The following LRRFIP2 variants were observed in gnomAD, a reference collection of about 807,000 sequenced individuals.
LRRFIP2 encodes LRR binding FLII interacting protein 2.
In LRRFIP2, 109 loss-of-function variants were observed where a neutral mutation model predicts 125.9. The ratio of observed to expected loss-of-function variants is 0.87; its 90% CI spans 0.74 to 1.01. LRRFIP2 has a LOEUF of 1.01. LRRFIP2 is among the 50% of genes least tolerant of loss of function. The pLI is 0.00. For synonymous variants in LRRFIP2, 291 were observed against 293.1 expected, an observed-to-expected ratio of 0.99 and a Z score of 0.07; for missense variants, 850 against 862.3, an observed-to-expected ratio of 0.99 and a Z score of 0.18.
At chr3:37,145,611 T>A (rs1205913084) in intron 2 of LRRFIP2, among the ~76,000 whole-genome samples, 1 of 152,232 alleles carries the variant, frequency 6.6e-6, no homozygotes, top group Non-Finnish European at 1.5e-5. Flanking sequence ...TATCTGAACA[T>A]CATCTGTTTC....
At chr3:37,152,944 G>A (rs1055328715) in intron 1 of LRRFIP2, among the ~76,000 whole-genome samples, 19 of 152,082 alleles carry the variant, frequency 1.2e-4, no homozygotes, top group African/African-American at 4.1e-4. Context: ...AAAAATGTAA[G>A]CATTTTCTAA....
chr3:37,117,367 A>T (rs1559920528), intron 6 of LRRFIP2, among the ~76,000 whole-genome samples: 1 of 151,344 alleles, frequency 6.6e-6, no homozygotes, highest in Non-Finnish European at 1.5e-5. Context: ...CAGCTGGTTT[A>T]AAAAAAAATG....
intron 2 of LRRFIP2, among the ~76,000 whole-genome samples, chr3:37,139,007 C>G (rs79635736): frequency 6.6e-6 from 1 of 152,160 alleles, no homozygotes; most frequent in African/African-American, 2.4e-5. Flanking sequence ...GACAGTCAAC[C>G]TGATAACAGA....
chr3:37,100,201 T>C (rs1310523309), intron 15 of LRRFIP2, among the ~76,000 whole-genome samples: 1 of 152,078 alleles, frequency 6.6e-6, no homozygotes, highest in African/African-American at 2.4e-5. Flanking sequence ...ACAAATCACC[T>C]GTAATCCCAG....
upstream of LRRFIP2, chr3:37,176,019 C>G (rs1325194037): frequency 6.6e-6 from 1 of 152,140 alleles, no homozygotes; most frequent in African/African-American, 2.4e-5. Flanking sequence ...CAACTCCCCG[C>G]TCCCTGCTCC....
At chr3:37,135,796 A>T (rs1476005052) in intron 2 of LRRFIP2, among the ~76,000 whole-genome samples, 1 of 152,248 alleles carries the variant, frequency 6.6e-6, no homozygotes, top group Non-Finnish European at 1.5e-5. Context: ...ACTGAAAATA[A>T]CTAAAATTGG....
chr3:37,079,808 C>T (rs1227201876), intron 19 of LRRFIP2, among the ~76,000 whole-genome samples: 5 of 152,076 alleles, frequency 3.3e-5, no homozygotes, highest in East Asian at 3.9e-4. Flanking sequence ...TCACGCTAAG[C>T]GAAAGAAGCC....
At chr3:37,086,090 T>G (rs569003516) in intron 18 of LRRFIP2, among the ~76,000 whole-genome samples, 1 of 152,186 alleles carries the variant, frequency 6.6e-6, no homozygotes, top group Non-Finnish European at 1.5e-5. Context: ...AAAGAGGATA[T>G]GCAAATGGCA....
At chr3:37,147,184 GATT>G (rs1182671373) in intron 2 of LRRFIP2, among the ~76,000 whole-genome samples, 2 of 152,118 alleles carry the variant, frequency 1.3e-5, no homozygotes, top group African/African-American at 4.8e-5. Context: ...TCAGAATGGT[GATT>G]ATTAAAAAGT....
At chr3:37,115,678 G>T (rs1264646018) in intron 6 of LRRFIP2, among the ~76,000 whole-genome samples, 1 of 152,110 alleles carries the variant, frequency 6.6e-6, no homozygotes, top group Non-Finnish European at 1.5e-5. Flanking sequence ...GAGAAATCTG[G>T]TCAATGTGTG....
chr3:37,161,488 T>C (rs1052649949), intron 1 of LRRFIP2, among the ~76,000 whole-genome samples: 1 of 152,174 alleles, frequency 6.6e-6, no homozygotes, highest in African/African-American at 2.4e-5. Context: ...TTATGTAAAA[T>C]GTCCAGAATA....
intron 1 of LRRFIP2, among the ~76,000 whole-genome samples, chr3:37,166,437 A>G (rs2096491057): frequency 6.6e-6 from 1 of 152,232 alleles, no homozygotes; most frequent in African/African-American, 2.4e-5. Flanking sequence ...AAAAATTTGC[A>G]AATCACATAG....
rs776776063 is a variant in LRRFIP2, at chr3:37,121,539, G to GATAAAA, written c.286-9_286-4dup. ...ATGGACAATGCATCCTCAACTCCCT[G>GATAAAA]ATAAAAATGAAAATAAACACAGTAA... On this transcript the variant is annotated splice_polypyrimidine_tract_variant and splice_region_variant and intron_variant, in intron 5 of 27. Transcript: ENST00000336686. 31 of 1,613,630 alleles carry GATAAAA rather than the reference G, an allele frequency of 1.9e-5. No homozygotes were observed. The Admixed American group carries it at 3.0e-4, about 16-fold the overall frequency.
chr3:37,110,986 C>A lies in LRRFIP2; in HGVS notation c.513+5G>T. On this transcript the variant is annotated splice_donor_5th_base_variant and intron_variant, in intron 9 of 27. Coordinates refer to ENST00000336686, the MANE Select transcript of LRRFIP2 (RefSeq NM_006309.4). ...ACACATAAAGCCAAAAAAGTTTAGA[C>A]AAACCCGAGTGTAGTAGGCAGAGGT... is the stretch of plus-strand genomic sequence containing the variant. The A allele has an allele frequency of 6.2e-7, 1 of 1,612,596 alleles. No individual in the cohort carries two copies. Among genetic ancestry groups the A allele is most frequent in the Non-Finnish European group, 8.5e-7 (1 of 1,179,402 alleles).
chr3:37,150,653 CTCTTT>C (rs1407515690), intron 1 of LRRFIP2, among the ~76,000 whole-genome samples: 1 of 152,074 alleles, frequency 6.6e-6, no homozygotes, highest in African/African-American at 2.4e-5. Context: ...ATTTCATGCC[CTCTTT>C]TCTTCTATAC....
intron 4 of LRRFIP2, among the ~76,000 whole-genome samples, chr3:37,125,170 C>A (rs1577031860): frequency 6.6e-6 from 1 of 152,132 alleles, no homozygotes; most frequent in South Asian, 2.1e-4. Context: ...TAAAAGAAAA[C>A]CACAGTCCCA....
intron 18 of LRRFIP2, among the ~76,000 whole-genome samples, chr3:37,090,209 T>C (rs1445555622): frequency 1.4e-5 from 2 of 146,390 alleles, no homozygotes; most frequent in African/African-American, 2.5e-5. Context: ...GTAGTGTGTA[T>C]TTTACTTTTT....
At chr3:37,106,126 C>A (rs1041809069) in intron 13 of LRRFIP2, among the ~76,000 whole-genome samples, 2 of 152,142 alleles carry the variant, frequency 1.3e-5, no homozygotes, top group African/African-American at 4.8e-5. Context: ...GGATTTCATA[C>A]TTTTTAAACC....
intron 18 of LRRFIP2, among the ~76,000 whole-genome samples, chr3:37,090,203 T>C (rs1389560824): frequency 6.7e-6 from 1 of 149,780 alleles, no homozygotes; most frequent in Non-Finnish European, 1.5e-5. Flanking sequence ...AGAGGTGTAG[T>C]GTGTATTTTA....
Sources: gnomAD v4.1 joint callset for allele counts (sites outside exome capture counted in the v4.1 genomes callset) on GRCh38, gnomAD v4.1.1 for gene constraint, MANE v1.5 for transcripts, NCBI Gene and HGNC (gene_info 2026-07-23, HGNC 2026-07-21) for gene names.